Variants in GABRB1 observed in about 807,000 individuals in gnomAD.
GABRB1 encodes gamma-aminobutyric acid receptor subunit beta-1.
A neutral mutation model predicts 51.6 loss-of-function variants in GABRB1; 17 were observed. That is an observed-to-expected ratio of 0.33 (90% CI 0.23 to 0.49). GABRB1 has a LOEUF of 0.49. Among genes scored for constraint, GABRB1 ranks in the 20% least tolerant of loss-of-function variants. GABRB1 has a pLI of 0.99. For synonymous variants in GABRB1, 247 were observed against 218.9 expected (o/e 1.13, Z -1.14); for missense variants, 410 against 600.6 (o/e 0.68, Z 3.32).
intron 5 of GABRB1, among the ~76,000 whole-genome samples, chr4:47,329,966 A>G (rs1725415897): frequency 6.6e-6 from 1 of 152,116 alleles, no homozygotes; most frequent in Non-Finnish European, 1.5e-5. Flanking sequence ...TAGAGAGCCA[A>G]TGGTGTAATT....
At chr4:47,375,551 T>G (rs542924442) in intron 5 of GABRB1, among the ~76,000 whole-genome samples, 2 of 152,216 alleles carry the variant, frequency 1.3e-5, no homozygotes, top group Admixed American at 1.3e-4. Context: ...GGTGGGGAGA[T>G]GCGTTCTGCT....
At chr4:47,383,562 A>G (rs1399582130) in intron 5 of GABRB1, among the ~76,000 whole-genome samples, 4 of 152,180 alleles carry the variant, frequency 2.6e-5, no homozygotes, top group Non-Finnish European at 4.4e-5. Flanking sequence ...ATATATTAGT[A>G]ATTTTTAATT....
chr4:47,219,328 G>C (rs1291269877), intron 4 of GABRB1, among the ~76,000 whole-genome samples: 5 of 151,918 alleles, frequency 3.3e-5, no homozygotes, highest in Non-Finnish European at 5.9e-5. Flanking sequence ...TGCTACATCA[G>C]ATGTGAGAGT....
At chr4:47,213,677 T>C (rs932222728) in intron 4 of GABRB1, among the ~76,000 whole-genome samples, 3 of 152,158 alleles carry the variant, frequency 2.0e-5, no homozygotes, top group Non-Finnish European at 4.4e-5. Context: ...GAGGAGAACA[T>C]TTATCAGCTG....
Position 47,323,840 on chromosome 4 carries a change from A to T in GABRB1, c.544+3631A>T, listed in dbSNP as rs149368499. ...TGAAAAAGCCATAAAGGCTTGTTAA[A>T]TTGAAAGTTTGCTTGAACTTGGAGC... On this transcript the variant is annotated intron_variant, in intron 5 of 8. Coordinates refer to ENST00000295454, the MANE Select transcript of GABRB1 (RefSeq NM_000812.4). Among the ~76,000 whole-genome samples, 6 of 152,370 alleles carry T rather than the reference A, an allele frequency of 3.9e-5. No individual in the cohort carries two copies. In the South Asian group the frequency reaches 1.2e-3, roughly 32 times the overall value.
intron 5 of GABRB1, among the ~76,000 whole-genome samples, chr4:47,343,736 G>A (rs1441031070): frequency 6.6e-6 from 1 of 152,156 alleles, no homozygotes; most frequent in Admixed American, 6.5e-5. Context: ...AGCATGTGTA[G>A]GGTCAGAGGA....
chr4:47,355,383 C>T (rs1349586964), intron 5 of GABRB1, among the ~76,000 whole-genome samples: 4 of 151,974 alleles, frequency 2.6e-5, no homozygotes, highest in Non-Finnish European at 5.9e-5. Flanking sequence ...TCTAGATGTC[C>T]GTGAATTCAT....
intron 4 of GABRB1, among the ~76,000 whole-genome samples, chr4:47,175,440 G>A (rs1310051295): frequency 6.6e-6 from 1 of 151,996 alleles, no homozygotes; most frequent in African/African-American, 2.4e-5. Context: ...TAAGCAAATG[G>A]TAAGTGGTTA....
intron 5 of GABRB1, among the ~76,000 whole-genome samples, chr4:47,379,971 T>G (rs1727535727): frequency 6.6e-6 from 1 of 152,202 alleles, no homozygotes; most frequent in Non-Finnish European, 1.5e-5. Context: ...TATGGTCATG[T>G]ACGTAAAAGG....
chr4:47,006,293 T>A (rs1378115143), intron 1 of GABRB1, among the ~76,000 whole-genome samples: 2 of 152,140 alleles, frequency 1.3e-5, no homozygotes, highest in African/African-American at 4.8e-5. Context: ...ACAGTTGGGC[T>A]CTTGGGAAAG....
chr4:47,089,914 T>C (rs1728225350), intron 3 of GABRB1, among the ~76,000 whole-genome samples: 1 of 152,158 alleles, frequency 6.6e-6, no homozygotes, highest in Non-Finnish European at 1.5e-5. Flanking sequence ...ATTGAAAAGA[T>C]CTCAGTTCTC....
At chr4:47,087,358 C>A (rs1180665728) in intron 3 of GABRB1, among the ~76,000 whole-genome samples, 1 of 151,776 alleles carries the variant, frequency 6.6e-6, no homozygotes. Context: ...TATAATATTA[C>A]CTATTATTAT....
intron 3 of GABRB1, among the ~76,000 whole-genome samples, chr4:47,104,154 T>G (rs1055259852): frequency 1.3e-4 from 20 of 151,762 alleles, no homozygotes; most frequent in African/African-American, 4.8e-4. Flanking sequence ...TTGAGATATA[T>G]TTTCACTGAA....
chr4:47,165,037 TTG>T (rs1267579367), intron 4 of GABRB1, among the ~76,000 whole-genome samples: 1 of 152,122 alleles, frequency 6.6e-6, no homozygotes, highest in African/African-American at 2.4e-5. Flanking sequence ...GTGCCGTAAG[TTG>T]TGTTAGGAGA....
At chr4:47,159,454 T>C (rs1265627751) in intron 3 of GABRB1, among the ~76,000 whole-genome samples, 1 of 151,650 alleles carries the variant, frequency 6.6e-6, no homozygotes, top group Non-Finnish European at 1.5e-5. Flanking sequence ...TAAGAACTTG[T>C]AGAGGATGCA....
chr4:47,029,364 T>C (rs1725208009), upstream of GABRB1, among the ~76,000 whole-genome samples: 2 of 151,958 alleles, frequency 1.3e-5, no homozygotes, highest in Admixed American at 6.6e-5. Flanking sequence ...TTTAAAATAG[T>C]GTACAATTCC....
chr4:47,323,258 C>A (rs890588990), intron 5 of GABRB1, among the ~76,000 whole-genome samples: 2 of 152,138 alleles, frequency 1.3e-5, no homozygotes, highest in Non-Finnish European at 2.9e-5. Flanking sequence ...CTTCTGATGA[C>A]AGCATAATTT....
chr4:47,060,398 C>T (rs1454486450), intron 3 of GABRB1, among the ~76,000 whole-genome samples: 2 of 152,054 alleles, frequency 1.3e-5, no homozygotes, highest in Non-Finnish European at 2.9e-5. Context: ...AATATCTCAG[C>T]TTTCCAGGGT....
chr4:47,321,419 C>T (rs1262449048), intron 5 of GABRB1, among the ~76,000 whole-genome samples: 4 of 152,146 alleles, frequency 2.6e-5, no homozygotes, highest in Non-Finnish European at 5.9e-5. Flanking sequence ...CATTGACCTA[C>T]TACCACTAAA....
Sources: allele counts gnomAD v4.1 joint callset (sites outside exome capture counted in the v4.1 genomes callset), GRCh38; gene constraint gnomAD v4.1.1; transcripts MANE v1.5; gene names NCBI Gene and HGNC (gene_info 2026-07-23, HGNC 2026-07-21).